The following PDE4B variants were observed in gnomAD, a reference collection of about 807,000 sequenced individuals.
PDE4B encodes the protein 3',5'-cyclic-AMP phosphodiesterase 4B.
In PDE4B, 20 loss-of-function variants were observed where a neutral mutation model predicts 82.2. That is an observed-to-expected ratio of 0.24 (90% CI 0.17 to 0.35). The LOEUF (loss-of-function observed/expected upper bound fraction) is 0.35, where lower values mean the gene tolerates loss of function less well. PDE4B is among the 10% of genes least tolerant of loss of function. The pLI is 1.00. For synonymous variants in PDE4B, 320 were observed against 318.9 expected, an observed-to-expected ratio of 1.00 and a Z score of -0.04; for missense variants, 655 against 907.2, an observed-to-expected ratio of 0.72 and a Z score of 3.57.
At chr1:65,830,936 T>C (rs1157382325) in intron 1 of PDE4B, among the ~76,000 whole-genome samples, 2 of 152,138 alleles carry the variant, frequency 1.3e-5, no homozygotes, top group African/African-American at 2.4e-5. Context: ...CTTGCAGCTT[T>C]TCTGTCAGCC....
intron 3 of PDE4B, among the ~76,000 whole-genome samples, chr1:66,183,081 T>C (rs762204876): frequency 2.0e-5 from 3 of 152,160 alleles, no homozygotes; most frequent in Non-Finnish European, 4.4e-5. Flanking sequence ...ACAGCTTTCT[T>C]TGGAGACAAG....
chr1:66,230,068 A>G (rs17128585), intron 3 of PDE4B, among the ~76,000 whole-genome samples: 4,629 of 152,340 alleles, frequency 0.03, 89 homozygotes, highest in Non-Finnish European at 0.045. Flanking sequence ...GAGGCTGACA[A>G]CAAAGGGAAG....
At chr1:66,236,941 AT>A (rs1284719700) in intron 3 of PDE4B, among the ~76,000 whole-genome samples, 1 of 152,226 alleles carries the variant, frequency 6.6e-6, no homozygotes, top group African/African-American at 2.4e-5. Flanking sequence ...TTTCACGTCT[AT>A]AAAAACAAGT....
intron 3 of PDE4B, among the ~76,000 whole-genome samples, chr1:65,971,799 A>G (rs1650154825): frequency 6.6e-6 from 1 of 152,330 alleles, no homozygotes; most frequent in East Asian, 1.9e-4. Context: ...ACTCCAAGTA[A>G]TCATCTCTAG....
chr1:65,962,887 C>T (rs76904554), intron 3 of PDE4B, among the ~76,000 whole-genome samples: 5 of 152,154 alleles, frequency 3.3e-5, no homozygotes, highest in African/African-American at 4.8e-5. Context: ...TAATTACAGA[C>T]GAAAACCTCC....
chr1:66,354,158 A>C (rs1271757004), intron 8 of PDE4B, among the ~76,000 whole-genome samples: 2 of 152,212 alleles, frequency 1.3e-5, no homozygotes, highest in Non-Finnish European at 1.5e-5. Context: ...TAGTCTAAAA[A>C]CAGCCATGGT....
intron 7 of PDE4B, among the ~76,000 whole-genome samples, chr1:66,298,100 T>C (rs560175806): frequency 2.7e-4 from 41 of 152,292 alleles, no homozygotes; most frequent in African/African-American, 9.6e-4. Context: ...GCAAATCCTA[T>C]AGCACTGTGC....
At chr1:65,814,308 A>G (rs1023975120) in intron 1 of PDE4B, among the ~76,000 whole-genome samples, 5 of 152,212 alleles carry the variant, frequency 3.3e-5, no homozygotes, top group African/African-American at 1.2e-4. Context: ...TTATATGTAC[A>G]TATGTTTAGA....
At chr1:65,973,503 T>C (rs977814277) in intron 3 of PDE4B, among the ~76,000 whole-genome samples, 1 of 152,134 alleles carries the variant, frequency 6.6e-6, no homozygotes, top group Non-Finnish European at 1.5e-5. Flanking sequence ...AAAGTACATA[T>C]CATGCAAAGT....
intron 3 of PDE4B, among the ~76,000 whole-genome samples, chr1:66,201,093 A>C (rs990673697): frequency 1.3e-5 from 2 of 152,180 alleles, no homozygotes; most frequent in Admixed American, 6.5e-5. Flanking sequence ...TTCTGCATCT[A>C]TTGAGATAAT....
intron 2 of PDE4B, among the ~76,000 whole-genome samples, chr1:65,917,631 G>C (rs1156962353): frequency 1.3e-5 from 2 of 152,136 alleles, no homozygotes; most frequent in African/African-American, 4.8e-5. Context: ...TAAATAACTT[G>C]TATCATTGAG....
At chr1:66,246,860 T>C (rs185657662) in intron 3 of PDE4B, among the ~76,000 whole-genome samples, 2 of 152,374 alleles carry the variant, frequency 1.3e-5, no homozygotes, top group African/African-American at 4.8e-5. Context: ...TTAAGTCATT[T>C]TCTGTGGTTA....
chr1:66,343,214 ATT>A (rs1661146871), intron 8 of PDE4B, among the ~76,000 whole-genome samples: 1 of 152,236 alleles, frequency 6.6e-6, no homozygotes, highest in African/African-American at 2.4e-5. Flanking sequence ...GCTCCTCTTG[ATT>A]AAAACAGTGG....
At chr1:65,801,141 T>C (rs1645690266) in intron 1 of PDE4B, among the ~76,000 whole-genome samples, 1 of 152,244 alleles carries the variant, frequency 6.6e-6, no homozygotes, top group South Asian at 2.1e-4. Context: ...TTACCCCTTC[T>C]TACTCCATAG....
chr1:65,920,454 T>C (rs1426899289), intron 3 of PDE4B, among the ~76,000 whole-genome samples: 1 of 152,226 alleles, frequency 6.6e-6, no homozygotes, highest in Non-Finnish European at 1.5e-5. Flanking sequence ...TTGAGTTCAT[T>C]TAATTCAAAG....
chr1:66,222,614 A>C (rs551138104), intron 3 of PDE4B, among the ~76,000 whole-genome samples: 1 of 152,354 alleles, frequency 6.6e-6, no homozygotes, highest in South Asian at 2.1e-4. Context: ...AATGTTAACA[A>C]TTATGCTGAC....
intron 1 of PDE4B, among the ~76,000 whole-genome samples, chr1:65,886,867 T>A (rs990409488): frequency 1.6e-4 from 24 of 152,192 alleles, no homozygotes; most frequent in Admixed American, 1.0e-3. Flanking sequence ...ATACACTTAT[T>A]TATTTTCCAT....
chr1:66,112,532 A>G (rs901162330), intron 3 of PDE4B, among the ~76,000 whole-genome samples: 1 of 152,336 alleles, frequency 6.6e-6, no homozygotes, highest in Middle Eastern at 3.4e-3. Flanking sequence ...CTGATTGTCT[A>G]CAATGAGCCA....
At chr1:66,090,621 A>ATATATATATATATATATATATATATGTG in intron 3 of PDE4B, among the ~76,000 whole-genome samples, 1 of 122,734 alleles carries the variant, frequency 8.1e-6, no homozygotes, top group African/African-American at 4.1e-5. Context: ...TATATAATAT[A>ATATATATATATATATATATATATATGTG]TGTGTGTGTG....
Sources: allele counts gnomAD v4.1 joint callset (sites outside exome capture counted in the v4.1 genomes callset), GRCh38; gene constraint gnomAD v4.1.1; transcripts MANE v1.5; gene names NCBI Gene and HGNC (gene_info 2026-07-23, HGNC 2026-07-21).